MAGI3: variants seen among roughly 807,000 people sequenced by gnomAD.
MAGI3 encodes the protein membrane-associated guanylate kinase, WW and PDZ domain-containing protein 3.
In MAGI3, 43 loss-of-function variants were observed where a neutral mutation model predicts 121.8. The ratio of observed to expected loss-of-function variants is 0.35; its 90% confidence interval spans 0.28 to 0.46. The LOEUF is 0.46. MAGI3 is among the 20% of genes least tolerant of loss of function. The probability of loss-of-function intolerance (pLI) is 1.00; values close to 1 mark genes in which losing one functional copy is unlikely to be tolerated. For missense variants in MAGI3, 1,547 were observed against 1,797.3 expected, an observed-to-expected ratio of 0.86 and a Z score of 2.52; for synonymous variants, 553 against 639.3, an observed-to-expected ratio of 0.86 and a Z score of 2.04.
chr1:113,431,611 A>G (rs1005648379), intron 1 of MAGI3, among the ~76,000 whole-genome samples: 5 of 152,316 alleles, frequency 3.3e-5, no homozygotes, highest in Non-Finnish European at 4.4e-5. Flanking sequence ...TTTAAAAAAG[A>G]CAATATTTAT....
At chr1:113,599,137 T>C (rs549024987) in intron 6 of MAGI3, among the ~76,000 whole-genome samples, 24 of 152,038 alleles carry the variant, frequency 1.6e-4, no homozygotes, top group South Asian at 2.1e-4. Flanking sequence ...AAAATTGACA[T>C]CCTAACATCA....
At chr1:113,564,641 G>A (rs900310646) in intron 2 of MAGI3, among the ~76,000 whole-genome samples, 2 of 151,864 alleles carry the variant, frequency 1.3e-5, no homozygotes, top group Non-Finnish European at 2.9e-5. Flanking sequence ...AGGCTGAGGC[G>A]GAAGGAACTC....
chr1:113,629,054 T>G (rs1366307110), intron 9 of MAGI3, among the ~76,000 whole-genome samples: 1 of 152,194 alleles, frequency 6.6e-6, no homozygotes, highest in Non-Finnish European at 1.5e-5. Context: ...ACTCTTAGAA[T>G]TGCCCTTTTG....
Position 113,682,969 on chromosome 1 carries a change from C to T in MAGI3, c.3401C>T (p.Ser1134Leu), listed in dbSNP as rs777516623. The T allele has an allele frequency of 1.1e-5, 18 of 1,613,564 alleles. No homozygotes were observed. The highest frequency in any genetic ancestry group is 1.4e-5 in the Non-Finnish European group (17 of 1,179,774). Reference sequence around the variant, plus strand: ...GAACAGTCACCATTACCCCCATCTTCACATTTTGCTTCCATATTTGAAGAG... The same window carrying T: ...GAACAGTCACCATTACCCCCATCTTTACATTTTGCTTCCATATTTGAAGAG... ...YDEQSPLPPSSHFASIFEESH... is the reference protein window; with the variant it reads ...YDEQSPLPPSLHFASIFEESH... The change falls in exon 21 of 21, where the codon TCA becomes TTA. Residue 1134 changes from serine to leucine, a missense_variant. Transcript: ENST00000307546.
At chr1:113,643,835 C>G in intron 11 of MAGI3, 61 bp downstream of exon 11, 3 of 1,496,396 alleles carry the variant, frequency 2.0e-6, no homozygotes, top group Non-Finnish European at 2.8e-6. Flanking sequence ...GCCACATTCC[C>G]CTCTGTAAGA....
chr1:113,619,154 T>C (rs1205951622), intron 7 of MAGI3, among the ~76,000 whole-genome samples: 2 of 152,232 alleles, frequency 1.3e-5, no homozygotes. Flanking sequence ...ACCTATGTTA[T>C]AATTATTCAT....
At chr1:113,629,783 C>A (rs1487087555) in intron 9 of MAGI3, among the ~76,000 whole-genome samples, 1 of 144,276 alleles carries the variant, frequency 6.9e-6, no homozygotes, top group Non-Finnish European at 1.5e-5. Flanking sequence ...TCCCTCCCTC[C>A]CTCACTCTCT....
rs1039496686 is a variant in MAGI3, at chr1:113,391,292, A to G, written c.259A>G (p.Thr87Ala). 14 of 1,591,944 alleles carry G rather than the reference A, an allele frequency of 8.8e-6. No individual in the cohort carries two copies. Among genetic ancestry groups the G allele is most frequent in the Non-Finnish European group, 1.2e-5 (14 of 1,170,474 alleles). ...TPVSGLTNRDTLAVIRHFREP... is the reference protein window; with the variant it reads ...TPVSGLTNRDALAVIRHFREP... ...TGTCAGCGGGCTCACCAACCGGGACACCCTGGCTGTCATCCGCCACTTCCG... is the reference window on the plus strand; with the variant it reads ...TGTCAGCGGGCTCACCAACCGGGACGCCCTGGCTGTCATCCGCCACTTCCG... The change falls in exon 1 of 21, where the codon ACC (threonine) becomes GCC (alanine). Residue 87 changes from threonine to alanine, a missense_variant. By Grantham distance (58) the Thr-to-Ala change is moderately conservative (BLOSUM62 0). Transcript: ENST00000307546. This position sits in a 1 kb window ranked among gnomAD's most constrained non-coding sequence, Gnocchi z 4.4.
chr1:113,664,256 C>T (rs1428220032), intron 16 of MAGI3, among the ~76,000 whole-genome samples: 1 of 152,164 alleles, frequency 6.6e-6, no homozygotes, highest in African/African-American at 2.4e-5. Flanking sequence ...GCATCATATG[C>T]TTTTAAGATT....
intron 1 of MAGI3, among the ~76,000 whole-genome samples, chr1:113,395,457 C>T (rs1022174023): frequency 6.6e-6 from 1 of 151,320 alleles, no homozygotes; most frequent in African/African-American, 2.4e-5. Flanking sequence ...TTCATTGACA[C>T]CTTCAATTCA....
At position 113,653,815 on chromosome 1, in the gene MAGI3, TC is replaced by T; in HGVS notation, c.2441-14del. 6.3e-7 allele frequency: 1 copy of T among 1,578,256 alleles called. No homozygotes were observed. Among genetic ancestry groups the T allele is most frequent in the Non-Finnish European group, 8.6e-7 (1 of 1,164,794 alleles). On this transcript the variant is annotated splice_polypyrimidine_tract_variant and intron_variant, in intron 14 of 20. Transcript: ENST00000307546. The stretch of plus-strand genomic sequence containing the variant: ...GATGTTCCAGACATATCAAAACTGA[TC>T]ATGTTTATTACAGAAAAACAACCCG...
At chr1:113,414,056 A>G (rs747990461) in intron 1 of MAGI3, among the ~76,000 whole-genome samples, 2 of 152,164 alleles carry the variant, frequency 1.3e-5, no homozygotes, top group Non-Finnish European at 2.9e-5. Context: ...CGTTCCATGA[A>G]TACCTAGTTT....
intron 1 of MAGI3, among the ~76,000 whole-genome samples, chr1:113,436,129 T>C (rs918953295): frequency 6.6e-6 from 1 of 152,170 alleles, no homozygotes; most frequent in African/African-American, 2.4e-5. Context: ...AATTATAACA[T>C]ATTATAAATT....
intron 9 of MAGI3, among the ~76,000 whole-genome samples, chr1:113,636,436 C>T (rs896921423): frequency 1.3e-5 from 2 of 152,174 alleles, no homozygotes; most frequent in East Asian, 3.8e-4. Context: ...TGTCTTTCTT[C>T]TTGTTGGTTT....
At chr1:113,663,320 T>C (rs1288608021) in intron 16 of MAGI3, among the ~76,000 whole-genome samples, 3 of 151,024 alleles carry the variant, frequency 2.0e-5, no homozygotes, top group Admixed American at 6.6e-5. Flanking sequence ...GTTCCACATT[T>C]TATTGCTCCA....
chr1:113,478,542 G>T (rs951754901), intron 1 of MAGI3, among the ~76,000 whole-genome samples: 1 of 152,116 alleles, frequency 6.6e-6, no homozygotes, highest in Admixed American at 6.5e-5. Context: ...TGTTTGCCTG[G>T]GTATCACCAG....
chr1:113,418,853 C>T (rs1488902857), intron 1 of MAGI3, among the ~76,000 whole-genome samples: 1 of 152,036 alleles, frequency 6.6e-6, no homozygotes, highest in Non-Finnish European at 1.5e-5. Context: ...GTACACTAAA[C>T]TTTAGCATCT....
intron 1 of MAGI3, among the ~76,000 whole-genome samples, chr1:113,394,869 A>G (rs1349488465): frequency 6.6e-6 from 1 of 152,126 alleles, no homozygotes; most frequent in Non-Finnish European, 1.5e-5. Flanking sequence ...ACCAAGTTGA[A>G]ACAGTTCCTG....
Position 113,673,411 on chromosome 1 carries a change from G to T in MAGI3, c.3135G>T (p.Leu1045=). ...LRGGKEYNMG[L]FILRLAEDGP... Reference sequence around the variant, plus strand: ...GGGGGAAGGAGTACAACATGGGGCTGTTCATCCTTCGTCTTGCTGAAGATG... The same window carrying T: ...GGGGGAAGGAGTACAACATGGGGCTTTTCATCCTTCGTCTTGCTGAAGATG... Residue 1045 remains leucine, a synonymous_variant, in exon 19 of 21, where the codon CTG becomes CTT. Transcript: ENST00000307546. 6.2e-7 allele frequency: 1 copy of T among 1,612,896 alleles called. No individual in the cohort carries two copies. The highest frequency in any genetic ancestry group is 8.5e-7 in the Non-Finnish European group (1 of 1,179,912).
Sources: gnomAD v4.1 joint callset for allele counts (sites outside exome capture counted in the v4.1 genomes callset) on GRCh38, gnomAD v4.1.1 for gene constraint, Gnocchi (gnomAD v3.1) non-coding constraint, MANE v1.5 for transcripts, NCBI Gene and HGNC (gene_info 2026-07-23, HGNC 2026-07-21) for gene names.